FAH: variants seen among roughly 807,000 people sequenced by gnomAD.
The protein encoded by FAH is fumarylacetoacetate hydrolase, also known as fumarylacetoacetase.
Under a neutral mutation model 55.8 loss-of-function variants are expected in FAH, and 47 were observed. That is an observed-to-expected ratio of 0.84 (90% CI 0.67 to 1.07). The LOEUF (loss-of-function observed/expected upper bound fraction) is 1.07, where lower values mean the gene tolerates loss of function less well. FAH is among the 50% of genes least tolerant of loss of function. FAH has a pLI of 0.00. For synonymous variants in FAH, 199 were observed against 207.7 expected (o/e 0.96, Z 0.36); for missense variants, 495 against 545.9 (o/e 0.91, Z 0.93).
At chr15:80,153,478 G>T (rs2041071944) in intron 1 of FAH, among the ~76,000 whole-genome samples, 1 of 152,198 alleles carries the variant, frequency 6.6e-6, no homozygotes, top group Non-Finnish European at 1.5e-5. Flanking sequence ...CTCCGAGGTG[G>T]TTGCGGTGTG....
intron 5 of FAH, chr15:80,166,774 C>G (rs2041196014): frequency 6.6e-6 from 1 of 151,668 alleles, no homozygotes; most frequent in African/African-American, 2.4e-5. Flanking sequence ...GTAGCTGGGA[C>G]CACAGGTGCC....
chr15:80,186,232 A>G lies in FAH; in HGVS notation c.*23A>G, dbSNP rs367625501. ...TGAGATTTTCTCTGCTCTTCTGGAA[A>G]CAAAGGGCTCAAGCACCCCTTTCAA... On this transcript the variant is annotated 3_prime_UTR_variant, in exon 14 of 14. Coordinates refer to ENST00000561421, the MANE Select transcript of FAH (RefSeq NM_000137.4). 5.0e-6 allele frequency: 8 copies of G among 1,601,312 alleles called. No individual in the cohort carries two copies. Among genetic ancestry groups the G allele is most frequent in the Non-Finnish European group, 6.0e-6 (7 of 1,168,902 alleles).
chr15:80,158,260 T>G, intron 2 of FAH, 90 bp downstream of exon 2: 1 of 944,968 alleles, frequency 1.1e-6, no homozygotes, highest in Non-Finnish European at 1.8e-6. Flanking sequence ...CCATTTCCGA[T>G]AGAGGTAATG....
intron 4 of FAH, 41 bp from the exon 5 acceptor site, chr15:80,162,205 T>G: frequency 6.9e-7 from 1 of 1,459,220 alleles, no homozygotes; most frequent in African/African-American, 1.4e-5. Flanking sequence ...TCCTGAGGCA[T>G]GTGGGTTGCT....
chr15:80,154,467 C>T (rs2041081241), intron 1 of FAH, among the ~76,000 whole-genome samples: 2 of 152,266 alleles, frequency 1.3e-5, no homozygotes, highest in South Asian at 4.1e-4. Flanking sequence ...CTACAGATGT[C>T]TGGAAGAGAG....
Position 80,181,904 on chromosome 15 carries a change from G to A in FAH, c.1180+745G>A, listed in dbSNP as rs568876172. 6.6e-5 allele frequency among the ~76,000 whole-genome samples: 10 copies of A among 152,264 alleles called. No individual in the cohort carries two copies. In the East Asian group the frequency reaches 1.5e-3, roughly 24 times the overall value. On this transcript the variant is annotated intron_variant, in intron 13 of 13. Coordinates refer to ENST00000561421, the MANE Select transcript of FAH (RefSeq NM_000137.4). ...CTGGGATTACAGGCGCGCTAATTGT[G>A]TATGTGTCAGTTTCCGTGCTTAACT...
intron 13 of FAH, among the ~76,000 whole-genome samples, chr15:80,181,459 G>T (rs967444696): frequency 1.3e-5 from 2 of 152,152 alleles, no homozygotes; most frequent in African/African-American, 4.8e-5. Flanking sequence ...CAAACGCCCT[G>T]TGCAGACACT....
In FAH at chr15:80,159,238, A is replaced by C. The variant is rs868457172; in HGVS notation, c.193-518A>C. 3.8e-4 allele frequency among the ~76,000 whole-genome samples: 55 copies of C among 145,758 alleles called. 1 individual carries two copies. The highest frequency in any genetic ancestry group is 2.1e-3 in the Admixed American group (31 of 14,668). On this transcript the variant is annotated intron_variant, in intron 2 of 13. Transcript: ENST00000561421. The stretch of plus-strand genomic sequence containing the variant: ...GGGTGACAGAATGGGAAAAAAAAAA[A>C]CAACTTTTTTTTTTTAATAGAGATG...
intron 3 of FAH, 130 bp from the exon 4 acceptor site, chr15:80,160,280 G>C: frequency 1.1e-6 from 1 of 923,026 alleles, no homozygotes; most frequent in South Asian, 1.3e-5. Flanking sequence ...GCATAGCTCT[G>C]GCCCCAGGCC....
At chr15:80,153,249 G>A in intron 1 of FAH, 114 bp downstream of exon 1, 1 of 861,982 alleles carries the variant, frequency 1.2e-6, no homozygotes. Flanking sequence ...GGAGGCTTGT[G>A]CCATTTTTCT....
intron 13 of FAH, among the ~76,000 whole-genome samples, chr15:80,181,904 GTA>G (rs1567122164): frequency 6.6e-6 from 1 of 152,146 alleles, no homozygotes; most frequent in Non-Finnish European, 1.5e-5. Flanking sequence ...CGCTAATTGT[GTA>G]TGTGTCAGTT....
chr15:80,152,980 G>T, upstream of FAH: 3 of 1,369,270 alleles, frequency 2.2e-6, no homozygotes, highest in South Asian at 1.2e-5. Flanking sequence ...GGCCGGGCCT[G>T]ACCACAGCGG....
In FAH at chr15:80,172,198, C is replaced by T; in HGVS notation, c.656C>T (p.Ser219Phe). ...GNRLGEPIPISKAHEHIFGMV... is the reference protein window; with the variant it reads ...GNRLGEPIPIFKAHEHIFGMV... ...AGATTGGGAGAGCCGATCCCCATTT[C>T]CAAGGCCCATGAGCACATTTTTGGA... The change falls in exon 8 of 14, where the codon TCC becomes TTC. Residue 219 changes from serine (S) to phenylalanine (F), a missense_variant. Transcript: ENST00000561421. 1.2e-6 allele frequency: 2 copies of T among 1,614,162 alleles called. No individual in the cohort carries two copies. The highest frequency in any genetic ancestry group is 1.7e-6 in the Non-Finnish European group (2 of 1,180,020).
chr15:80,176,009 TTTC>T (rs1377496218), intron 10 of FAH, among the ~76,000 whole-genome samples: 1 of 152,140 alleles, frequency 6.6e-6, no homozygotes, highest in Non-Finnish European at 1.5e-5. Flanking sequence ...TCCTTTTTCT[TTTC>T]TTTTCTTCTT....
At chr15:80,162,014 A>C (rs778764457) in intron 4 of FAH, among the ~76,000 whole-genome samples, 2 of 152,258 alleles carry the variant, frequency 1.3e-5, no homozygotes, top group South Asian at 4.1e-4. Context: ...TGTCAGTTTC[A>C]GAAAGTCTGG....
At chr15:80,155,987 C>A in intron 1 of FAH, 1 of 468,614 alleles carries the variant, frequency 2.1e-6, no homozygotes, top group Non-Finnish European at 4.2e-6. Flanking sequence ...ACCATTGAAG[C>A]ACAGCACCAC....
chr15:80,162,451 A>T (rs1258902405), intron 5 of FAH, 115 bp downstream of exon 5: 7 of 919,746 alleles, frequency 7.6e-6, no homozygotes, highest in Non-Finnish European at 1.2e-5. Flanking sequence ...GAGGAAAAGC[A>T]GTTATGATGT....
In FAH at chr15:80,168,160, G is replaced by A. The variant is rs1480730802; in HGVS notation, c.553+11G>A. On this transcript the variant is annotated intron_variant, in intron 6 of 13. Coordinates refer to ENST00000561421, the MANE Select transcript of FAH (RefSeq NM_000137.4). Reference sequence around the variant, plus strand: ...TGAAACCTGATGACTGTGAGTGACCGCAGCGTCCAGGCCTTGCTGGTACCC... The same window carrying A: ...TGAAACCTGATGACTGTGAGTGACCACAGCGTCCAGGCCTTGCTGGTACCC... The A allele has an allele frequency of 2.5e-6, 4 of 1,612,266 alleles. No individual in the cohort carries two copies. The highest frequency in any genetic ancestry group is 2.5e-6 in the Non-Finnish European group (3 of 1,178,674).
Position 80,174,633 on chromosome 15 carries a change from C to T in FAH, c.838-383C>T, listed in dbSNP as rs79001604. Among the ~76,000 whole-genome samples, 28 of 152,318 alleles carry T rather than the reference C, an allele frequency of 1.8e-4. No individual in the cohort carries two copies. In the East Asian group the frequency reaches 5.0e-3, roughly 27 times the overall value. The stretch of plus-strand genomic sequence containing the variant: ...GTCTACTTCTGTTGTGACCCCTCTG[C>T]CTTCCAGGGGCCCTGCAATGCGCTT... On this transcript the variant is annotated intron_variant, in intron 9 of 13. Transcript: ENST00000561421.
Sources: gnomAD v4.1 joint callset for allele counts (sites outside exome capture counted in the v4.1 genomes callset) on GRCh38, gnomAD v4.1.1 for gene constraint, MANE v1.5 for transcripts, NCBI Gene and HGNC (gene_info 2026-07-23, HGNC 2026-07-21) for gene names.